PHYHIPL: variants seen among roughly 807,000 people sequenced by gnomAD.
The protein encoded by PHYHIPL is phytanoyl-CoA hydroxylase-interacting protein-like.
PHYHIPL carries 9 observed loss-of-function variants against 33.4 expected under a neutral mutation model. That is an observed-to-expected ratio of 0.27 (90% CI 0.16 to 0.47). PHYHIPL has a LOEUF of 0.47. PHYHIPL is among the 20% of genes least tolerant of loss of function. The pLI is 0.99. For synonymous variants in PHYHIPL, 153 were observed against 154.1 expected (o/e 0.99, Z 0.05); for missense variants, 365 against 460.7 (o/e 0.79, Z 1.90).
rs1310845696 is a variant in PHYHIPL at position 59,176,658 on chromosome 10, G to A, written c.-196G>A. 15 of 550,274 alleles carry A rather than the reference G, an allele frequency of 2.7e-5. No individual in the cohort carries two copies. Among genetic ancestry groups the A allele is most frequent in the Non-Finnish European group, 3.9e-5 (12 of 311,152 alleles). The allele number at this position is 550,274 out of a possible 1,614,324, so 34.1% of individuals were successfully genotyped here. On this transcript the variant is annotated 5_prime_UTR_variant, in exon 1 of 5. Coordinates refer to ENST00000373880, the MANE Select transcript of PHYHIPL (RefSeq NM_032439.4). ...TCGGTCTCTCAGAGCCGCACACTCC[G>A]CGGAGCTCCTGCCACAGCCGTCGCC...
intron 1 of PHYHIPL, among the ~76,000 whole-genome samples, chr10:59,207,023 GATC>G (rs1839303294): frequency 6.6e-6 from 1 of 152,124 alleles, no homozygotes; most frequent in Admixed American, 6.5e-5. Flanking sequence ...ACACAACAGA[GATC>G]TTTCAGTTAA....
At chr10:59,189,967 G>A (rs537666297) in intron 1 of PHYHIPL, among the ~76,000 whole-genome samples, 1 of 152,062 alleles carries the variant, frequency 6.6e-6, no homozygotes, top group East Asian at 1.9e-4. Context: ...CAGCTAGCTA[G>A]GTTATGCCAT....
intron 1 of PHYHIPL, among the ~76,000 whole-genome samples, chr10:59,185,399 A>G (rs1258399793): frequency 6.6e-6 from 1 of 152,132 alleles, no homozygotes; most frequent in African/African-American, 2.4e-5. Context: ...AGTCTTTGCT[A>G]TTGTGAATAG....
At chr10:59,203,892 T>C (rs1839205934) in intron 1 of PHYHIPL, among the ~76,000 whole-genome samples, 1 of 152,154 alleles carries the variant, frequency 6.6e-6, no homozygotes, top group Non-Finnish European at 1.5e-5. Flanking sequence ...GTTGTGCACA[T>C]GTACCCTAGA....
upstream of PHYHIPL, among the ~76,000 whole-genome samples, chr10:59,173,921 G>GTTTTTTTTTTTTTTTTTTTTTT (rs368316005): frequency 1.7e-5 from 1 of 57,556 alleles, no homozygotes; most frequent in Non-Finnish European, 3.8e-5. Context: ...TACTTCTGAG[G>GTTTTTTTTTTTTTTTTTTTTTT]TTTTTTTTTT....
At chr10:59,205,917 T>C (rs1839271140) in intron 1 of PHYHIPL, among the ~76,000 whole-genome samples, 1 of 152,220 alleles carries the variant, frequency 6.6e-6, no homozygotes, top group Non-Finnish European at 1.5e-5. Flanking sequence ...CTTCGGTCAC[T>C]GGGAATAATT....
chr10:59,194,118 G>C (rs1366200351), intron 1 of PHYHIPL, among the ~76,000 whole-genome samples: 1 of 107,848 alleles, frequency 9.3e-6, no homozygotes, highest in Non-Finnish European at 1.8e-5. Context: ...GTCTTGCCCT[G>C]TTGCCCAGGC....
At chr10:59,186,484 T>G (rs1474051313) in intron 1 of PHYHIPL, among the ~76,000 whole-genome samples, 1 of 152,156 alleles carries the variant, frequency 6.6e-6, no homozygotes, top group Non-Finnish European at 1.5e-5. Flanking sequence ...TTAAAGTAGT[T>G]TTTTCCAATT....
At chr10:59,212,296 A>G (rs1209367523) in intron 1 of PHYHIPL, among the ~76,000 whole-genome samples, 2 of 152,254 alleles carry the variant, frequency 1.3e-5, no homozygotes. Flanking sequence ...TATAAGCAAC[A>G]GAAAACAGAT....
chr10:59,244,580 A>AAAAAAAAAAAAAAAAAC (rs1840572675), intron 4 of PHYHIPL, among the ~76,000 whole-genome samples: 2 of 148,430 alleles, frequency 1.3e-5, no homozygotes, highest in Non-Finnish European at 3.0e-5. Flanking sequence ...AAAAAAAAAA[A>AAAAAAAAAAAAAAAAAC]AAAAAAGCCA....
At chr10:59,237,307 T>G (rs1285202297) in intron 3 of PHYHIPL, among the ~76,000 whole-genome samples, 1 of 151,990 alleles carries the variant, frequency 6.6e-6, no homozygotes, top group African/African-American at 2.4e-5. Context: ...ACTCATATAT[T>G]TATTGTTTAC....
At chr10:59,215,604 C>A (rs550409186) in intron 1 of PHYHIPL, among the ~76,000 whole-genome samples, 10 of 151,436 alleles carry the variant, frequency 6.6e-5, no homozygotes, top group Non-Finnish European at 1.3e-4. Flanking sequence ...AAACAGATAA[C>A]GATATAAATA....
chr10:59,211,944 C>A (rs1309149276), intron 1 of PHYHIPL, among the ~76,000 whole-genome samples: 2 of 152,208 alleles, frequency 1.3e-5, no homozygotes, highest in Admixed American at 6.5e-5. Flanking sequence ...GGAACTTAAT[C>A]CCCAATGTTG....
chr10:59,194,122 C>T lies in PHYHIPL; in HGVS notation c.106+17163C>T, dbSNP rs1838850142. Among the ~76,000 whole-genome samples the T allele has an allele frequency of 2.2e-5, 3 of 139,498 alleles. No homozygotes were observed. In the Admixed American group the frequency reaches 2.3e-4, roughly 11 times the overall value. The allele number at this position is 139,498 out of a possible 152,430, so 91.5% of individuals were successfully genotyped here. ...TTTTTGAGGCAGTCTTGCCCTGTTG[C>T]CCAGGCTGGAGTGCAGTGGTGTGAT... On this transcript the variant is annotated intron_variant, in intron 1 of 4. Transcript: ENST00000373880.
intron 2 of PHYHIPL, among the ~76,000 whole-genome samples, chr10:59,235,600 G>A (rs1004567077): frequency 6.6e-6 from 1 of 151,794 alleles, no homozygotes; most frequent in Non-Finnish European, 1.5e-5. Flanking sequence ...TATTTTTTCT[G>A]AGTTCCAGTT....
At chr10:59,233,142 A>G (rs549971694) in intron 1 of PHYHIPL, among the ~76,000 whole-genome samples, 1 of 152,072 alleles carries the variant, frequency 6.6e-6, no homozygotes, top group South Asian at 2.1e-4. Flanking sequence ...CAAATAACTT[A>G]TTTTAAAATT....
chr10:59,230,779 A>G (rs1379009405), intron 1 of PHYHIPL, among the ~76,000 whole-genome samples: 2 of 152,166 alleles, frequency 1.3e-5, no homozygotes, highest in Non-Finnish European at 2.9e-5. Flanking sequence ...CAATACATGT[A>G]ATATTTACAT....
chr10:59,218,593 A>G (rs1839679341), intron 1 of PHYHIPL, among the ~76,000 whole-genome samples: 1 of 152,140 alleles, frequency 6.6e-6, no homozygotes, highest in Admixed American at 6.6e-5. Context: ...CAGGAAAGGC[A>G]TTTGGGAGGT....
At chr10:59,187,708 C>T (rs925593629) in intron 1 of PHYHIPL, among the ~76,000 whole-genome samples, 2 of 152,054 alleles carry the variant, frequency 1.3e-5, no homozygotes, top group Non-Finnish European at 2.9e-5. Flanking sequence ...GTGTATGTGT[C>T]GAGGAATTTA....
Sources: gnomAD v4.1 joint callset for allele counts (sites outside exome capture counted in the v4.1 genomes callset) on GRCh38, gnomAD v4.1.1 for gene constraint, MANE v1.5 for transcripts, NCBI Gene and HGNC (gene_info 2026-07-23, HGNC 2026-07-21) for gene names.